The following TNFRSF13C variants were observed in gnomAD, a reference collection of about 807,000 sequenced individuals.
TNFRSF13C encodes tumor necrosis factor receptor superfamily member 13C.
A neutral mutation model predicts 12.1 loss-of-function variants in TNFRSF13C; 7 were observed. That is an observed-to-expected ratio of 0.58 (90% CI 0.33 to 1.08). The LOEUF (loss-of-function observed/expected upper bound fraction) is 1.08. TNFRSF13C is among the 50% of genes least tolerant of loss of function. The pLI is 0.04. For synonymous variants in TNFRSF13C, 157 were observed against 130.8 expected, an observed-to-expected ratio of 1.20 and a Z score of -1.37; for missense variants, 260 against 265.9, an observed-to-expected ratio of 0.98 and a Z score of 0.15.
rs1173267385 is a variant in TNFRSF13C, at chr22:41,926,440, C to CG, written c.137-110dup. 4 of 198,042 alleles carry CG rather than the reference C, an allele frequency of 2.0e-5. No homozygotes were observed. Among genetic ancestry groups the CG allele is most frequent in the South Asian group, 9.4e-5 (1 of 10,694 alleles). 12.3% of individuals were successfully genotyped at this position (198,042 alleles called of 1,614,324 possible). On this transcript the variant is annotated intron_variant, in intron 1 of 2. Coordinates refer to ENST00000291232, the MANE Select transcript of TNFRSF13C (RefSeq NM_052945.4). The surrounding 1 kb of genome is among the most constrained non-coding windows in gnomAD (Gnocchi z 4.9). Reference sequence around the variant, plus strand: ...GCTGGCCGGGGAGGGGAGGGACAGCCGGGGGGCGGTGGACAAGGGGAGGGA... The same window carrying CG: ...GCTGGCCGGGGAGGGGAGGGACAGCCGGGGGGGCGGTGGACAAGGGGAGGGA...
Position 41,926,735 on chromosome 22 carries a change from C to T in TNFRSF13C, c.39G>A (p.Ala13=), listed in dbSNP as rs1462725940. ...CCGGGACGCAGGGCGTGGGGGCTGG[C>T]GCGTCCCTGCCCCGCAGGCTCCGGG... The part of the protein sequence containing the change: ...RGPRSLRGRD[A]PAPTPCVPAE... The change falls in exon 1 of 3, where the codon GCG becomes GCA. Residue 13 remains alanine (A), a synonymous_variant. Transcript: ENST00000291232. The surrounding 1 kb of genome is among the most constrained non-coding windows in gnomAD (Gnocchi z 4.9). The T allele has an allele frequency of 7.1e-7, 1 of 1,412,658 alleles. No individual in the cohort carries two copies. Among genetic ancestry groups the T allele is most frequent in the South Asian group, 1.5e-5 (1 of 67,480 alleles). 87.5% of individuals were successfully genotyped at this position (1,412,658 alleles called of 1,614,324 possible). A position where few individuals can be genotyped will look rare whatever the true frequency, so the allele number is the denominator to read the frequency against.
Position 41,924,852 on chromosome 22 carries a change from TG to T in TNFRSF13C, c.*514del, listed in dbSNP as rs2077621211. ...CTGTAATCCCAGCTATTCGGGAGGC[TG>T]AGGCAGGAGAATCACTTGAACCAAG... is the stretch of plus-strand genomic sequence containing the variant. On this transcript the variant is annotated 3_prime_UTR_variant, in exon 3 of 3. Coordinates refer to ENST00000291232, the MANE Select transcript of TNFRSF13C (RefSeq NM_052945.4). 6.8e-6 allele frequency: 1 copy of T among 146,940 alleles called. No individual in the cohort carries two copies. The highest frequency in any genetic ancestry group is 1.5e-5 in the Non-Finnish European group (1 of 68,584). The allele number at this position is 146,940 out of a possible 1,614,324, so 9.1% of individuals were successfully genotyped here.
In TNFRSF13C at chr22:41,923,466, G is replaced by A. The variant is rs550852901; in HGVS notation, c.*1901C>T. On this transcript the variant is annotated 3_prime_UTR_variant, in exon 3 of 3. Coordinates refer to ENST00000291232, the MANE Select transcript of TNFRSF13C (RefSeq NM_052945.4). ...TCTTGTCCCCAGACCCCAGAGCAAGGAACACCATTGTAAGAGGAGGGAGCA... is the reference window on the plus strand; with the variant it reads ...TCTTGTCCCCAGACCCCAGAGCAAGAAACACCATTGTAAGAGGAGGGAGCA... The A allele has an allele frequency of 1.9e-5, 3 of 154,236 alleles. No individual in the cohort carries two copies. In the East Asian group the frequency reaches 5.8e-4, roughly 30 times the overall value. The allele number at this position is 154,236 out of a possible 1,614,324, so 9.6% of individuals were successfully genotyped here. A position where few individuals can be genotyped will look rare whatever the true frequency, so the allele number is the denominator to read the frequency against.
Position 41,926,008 on chromosome 22 carries a change from C to T in TNFRSF13C, c.367+93G>A, listed in dbSNP as rs936416616. 1.4e-4 allele frequency: 220 copies of T among 1,521,752 alleles called. 1 individual carries two copies. Among genetic ancestry groups the T allele is most frequent in the Admixed American group, 1.2e-4 (7 of 56,004 alleles). The allele number at this position is 1,521,752 out of a possible 1,614,324, so 94.3% of individuals were successfully genotyped here. On this transcript the variant is annotated intron_variant, in intron 2 of 2. Coordinates refer to ENST00000291232, the MANE Select transcript of TNFRSF13C (RefSeq NM_052945.4). This position sits in a 1 kb window ranked among gnomAD's most constrained non-coding sequence, Gnocchi z 4.9. ...CCGTTTCCCCTTAAAGCCCTTCTCT[C>T]CCCCTCAGGGGCCATGCATCTCCCC...
At position 41,926,180 on chromosome 22, in the gene TNFRSF13C, C is replaced by T. The variant is rs755167957; in HGVS notation, c.288G>A (p.Val96=). The part of the protein sequence containing the change: ...GLALVLALVL[V]GLVSWRRRQR... ...GTCGCCGCCTCCAGCTCACCAGACC[C>T]ACCAGGACCAGCGCCAGGACCAGTG... is the stretch of plus-strand genomic sequence containing the variant. The change falls in exon 2 of 3, where the codon GTG becomes GTA. Residue 96 remains valine, a synonymous_variant. Transcript: ENST00000291232. The surrounding 1 kb of genome is among the most constrained non-coding windows in gnomAD (Gnocchi z 4.9). 30 of 1,610,366 alleles carry T rather than the reference C, an allele frequency of 1.9e-5. No homozygotes were observed. In the Middle Eastern group the frequency reaches 9.9e-4, roughly 53 times the overall value.
At position 41,926,603 on chromosome 22, in the gene TNFRSF13C, C is replaced by G; in HGVS notation, c.136+35G>C. On this transcript the variant is annotated intron_variant, in intron 1 of 2. Coordinates refer to ENST00000291232, the MANE Select transcript of TNFRSF13C (RefSeq NM_052945.4). This position sits in a 1 kb window ranked among gnomAD's most constrained non-coding sequence, Gnocchi z 4.9. ...GATCGGGGCCCCGTTCTCCCCGCAG[C>G]TGCCGGCGCCGCGCGCCCCGTGGGT... is the stretch of plus-strand genomic sequence containing the variant. 2 of 1,411,368 alleles carry G rather than the reference C, an allele frequency of 1.4e-6. No individual in the cohort carries two copies. The allele number at this position is 1,411,368 out of a possible 1,614,324, so 87.4% of individuals were successfully genotyped here. A position where few individuals can be genotyped will look rare whatever the true frequency, so the allele number is the denominator to read the frequency against.
In TNFRSF13C at chr22:41,922,186, G is replaced by A. The variant is rs1354059260; in HGVS notation, c.*3181C>T. 1 of 152,166 alleles carries A rather than the reference G, an allele frequency of 6.6e-6. No individual in the cohort carries two copies. The highest frequency in any genetic ancestry group is 1.5e-5 in the Non-Finnish European group (1 of 68,036). 9.4% of individuals were successfully genotyped at this position (152,166 alleles called of 1,614,324 possible). On this transcript the variant is annotated 3_prime_UTR_variant, in exon 3 of 3. Transcript: ENST00000291232. ...CTCGAGGCCTGGGGTTACTGGACACGGGTCATTTCTTCCCTGACTACATCA... is the reference window on the plus strand; with the variant it reads ...CTCGAGGCCTGGGGTTACTGGACACAGGTCATTTCTTCCCTGACTACATCA...
chr22:41,926,501 G>T lies in TNFRSF13C; in HGVS notation c.136+137C>A. ...GGTGAGGGCCACGCGGTGATCGCGG[G>T]CCCCTCCAGGCCCTGCCCACAGGGT... On this transcript the variant is annotated intron_variant, in intron 1 of 2. Transcript: ENST00000291232. This position sits in a 1 kb window ranked among gnomAD's most constrained non-coding sequence, Gnocchi z 4.9. 8.5e-7 allele frequency: 1 copy of T among 1,179,238 alleles called. No homozygotes were observed. Among genetic ancestry groups the T allele is most frequent in the Non-Finnish European group, 1.1e-6 (1 of 911,516 alleles). 73.0% of individuals were successfully genotyped at this position (1,179,238 alleles called of 1,614,324 possible).
chr22:41,926,411 C>T lies in TNFRSF13C; in HGVS notation c.137-80G>A. The T allele has an allele frequency of 1.5e-6, 1 of 667,302 alleles. No homozygotes were observed. The highest frequency in any genetic ancestry group is 5.9e-5 in the South Asian group (1 of 17,088). The allele number at this position is 667,302 out of a possible 1,614,324, so 41.3% of individuals were successfully genotyped here. ...GGGGACGGGGAGGGGCGGAGGGGGG[C>T]GAGGCTGGCCGGGGAGGGGAGGGAC... On this transcript the variant is annotated intron_variant, in intron 1 of 2. Coordinates refer to ENST00000291232, the MANE Select transcript of TNFRSF13C (RefSeq NM_052945.4). This position sits in a 1 kb window ranked among gnomAD's most constrained non-coding sequence, Gnocchi z 4.9.
chr22:41,926,114 G>A lies in TNFRSF13C; in HGVS notation c.354C>T (p.Asp118=). 5 of 1,612,466 alleles carry A rather than the reference G, an allele frequency of 3.1e-6. No individual in the cohort carries two copies. In the South Asian group the frequency reaches 4.4e-5, roughly 14 times the overall value. ...LRGASSAEAP[D]GDKDAPEPLD... Reference sequence around the variant, plus strand: ...CACGGAACTCACCGTCCTTGTCTCCGTCGGGGGCCTCTGCGGAGGACGCGC... The same window carrying A: ...CACGGAACTCACCGTCCTTGTCTCCATCGGGGGCCTCTGCGGAGGACGCGC... The change falls in exon 2 of 3, where the codon GAC becomes GAT. Residue 118 remains aspartate, a synonymous_variant. Coordinates refer to ENST00000291232, the MANE Select transcript of TNFRSF13C (RefSeq NM_052945.4). The surrounding 1 kb of genome is among the most constrained non-coding windows in gnomAD (Gnocchi z 4.9).
At position 41,926,292 on chromosome 22, in the gene TNFRSF13C, G is replaced by T. The variant is rs899866976; in HGVS notation, c.176C>A (p.Pro59Gln). ...GGCCCCCGCGCCCACCGACTCCTGCGGCTGCAGCGCCGTCCTGGGCGCAGG... is the reference window on the plus strand; with the variant it reads ...GGCCCCCGCGCCCACCGACTCCTGCTGCTGCAGCGCCGTCCTGGGCGCAGG... The part of the protein sequence containing the change: ...SSPAPRTALQ[P>Q]QESVGAGAGE... Residue 59 changes from proline to glutamine, a missense_variant, in exon 2 of 3, where the codon CCG becomes CAG. Transcript: ENST00000291232. This position sits in a 1 kb window ranked among gnomAD's most constrained non-coding sequence, Gnocchi z 4.9. The T allele has an allele frequency of 6.7e-7, 1 of 1,483,688 alleles. No homozygotes were observed. The highest frequency in any genetic ancestry group is 1.5e-5 in the African/African-American group (1 of 68,066). 91.9% of individuals were successfully genotyped at this position (1,483,688 alleles called of 1,614,324 possible).
Position 41,926,596 on chromosome 22 carries a change from C to T in TNFRSF13C, c.136+42G>A, listed in dbSNP as rs1218431872. ...CCCTGGCGATCGGGGCCCCGTTCTC[C>T]CCGCAGCTGCCGGCGCCGCGCGCCC... On this transcript the variant is annotated intron_variant, in intron 1 of 2. Coordinates refer to ENST00000291232, the MANE Select transcript of TNFRSF13C (RefSeq NM_052945.4). The surrounding 1 kb of genome is among the most constrained non-coding windows in gnomAD (Gnocchi z 4.9). 2.1e-6 allele frequency: 3 copies of T among 1,402,110 alleles called. No individual in the cohort carries two copies. Among genetic ancestry groups the T allele is most frequent in the Non-Finnish European group, 2.8e-6 (3 of 1,082,008 alleles). The allele number at this position is 1,402,110 out of a possible 1,614,324, so 86.9% of individuals were successfully genotyped here. A position where few individuals can be genotyped will look rare whatever the true frequency, so the allele number is the denominator to read the frequency against.
Position 41,926,314 on chromosome 22 carries a change from C to G in TNFRSF13C, c.154G>C (p.Ala52Pro). Residue 52 changes from alanine to proline, a missense_variant, in exon 2 of 3, where the codon GCG (alanine) becomes CCG (proline). Coordinates refer to ENST00000291232, the MANE Select transcript of TNFRSF13C (RefSeq NM_052945.4). This position sits in a 1 kb window ranked among gnomAD's most constrained non-coding sequence, Gnocchi z 4.9. ...TGCGGCTGCAGCGCCGTCCTGGGCGCAGGGCTGCTGGCCCCGGCTGCTTCG... is the reference window on the plus strand; with the variant it reads ...TGCGGCTGCAGCGCCGTCCTGGGCGGAGGGCTGCTGGCCCCGGCTGCTTCG... ...RPKPAGASSP[A>P]PRTALQPQES... 1 of 1,442,822 alleles carries G rather than the reference C, an allele frequency of 6.9e-7. No individual in the cohort carries two copies. Among genetic ancestry groups the G allele is most frequent in the Non-Finnish European group, 9.0e-7 (1 of 1,105,738 alleles). The allele number at this position is 1,442,822 out of a possible 1,614,324, so 89.4% of individuals were successfully genotyped here.
chr22:41,926,737 C>T lies in TNFRSF13C; in HGVS notation c.37G>A (p.Ala13Thr). Reference protein sequence around the residue: ...RGPRSLRGRDAPAPTPCVPAE... With the variant: ...RGPRSLRGRDTPAPTPCVPAE... ...GGGACGCAGGGCGTGGGGGCTGGCGCGTCCCTGCCCCGCAGGCTCCGGGGC... is the reference window on the plus strand; with the variant it reads ...GGGACGCAGGGCGTGGGGGCTGGCGTGTCCCTGCCCCGCAGGCTCCGGGGC... Residue 13 changes from alanine to threonine, a missense_variant, in exon 1 of 3, where the codon GCG becomes ACG. Physicochemically the swap from Ala to Thr is moderately conservative, Grantham distance 58 (BLOSUM62 0). Transcript: ENST00000291232. This position sits in a 1 kb window ranked among gnomAD's most constrained non-coding sequence, Gnocchi z 4.9. The T allele has an allele frequency of 7.2e-7, 1 of 1,395,144 alleles. No individual in the cohort carries two copies. Among genetic ancestry groups the T allele is most frequent in the Non-Finnish European group, 9.3e-7 (1 of 1,077,812 alleles). The allele number at this position is 1,395,144 out of a possible 1,614,324, so 86.4% of individuals were successfully genotyped here.
rs1385097676 is a variant in TNFRSF13C at position 41,926,663 on chromosome 22, G to T, written c.111C>A (p.Leu37=). 6.2e-6 allele frequency: 9 copies of T among 1,463,116 alleles called. No individual in the cohort carries two copies. The highest frequency in any genetic ancestry group is 8.1e-6 in the Non-Finnish European group (9 of 1,112,736). The allele number at this position is 1,463,116 out of a possible 1,614,324, so 90.6% of individuals were successfully genotyped here. The change falls in exon 1 of 3, where the codon CTC becomes CTA. Residue 37 remains leucine, a synonymous_variant. Coordinates refer to ENST00000291232, the MANE Select transcript of TNFRSF13C (RefSeq NM_052945.4). The surrounding 1 kb of genome is among the most constrained non-coding windows in gnomAD (Gnocchi z 4.9). ...CCGGTTTCGGCCGCGGCGTGCGCAGGAGCCCGCAGGCCACGCAGTGGCGGA... is the reference window on the plus strand; with the variant it reads ...CCGGTTTCGGCCGCGGCGTGCGCAGTAGCCCGCAGGCCACGCAGTGGCGGA... ...LLVRHCVACG[L]LRTPRPKPAG... is the part of the protein sequence containing the mutation.
At position 41,926,640 on chromosome 22, in the gene TNFRSF13C, G is replaced by C. The variant is rs1028425566; in HGVS notation, c.134C>G (p.Pro45Arg). 6 of 1,459,008 alleles carry C rather than the reference G, an allele frequency of 4.1e-6. No homozygotes were observed. Among genetic ancestry groups the C allele is most frequent in the Non-Finnish European group, 5.4e-6 (6 of 1,110,680 alleles). The allele number at this position is 1,459,008 out of a possible 1,614,324, so 90.4% of individuals were successfully genotyped here. ...CGCGCCCCGTGGGTCCCCCTTACCC[G>C]GTTTCGGCCGCGGCGTGCGCAGGAG... ...CGLLRTPRPK[P>R]AGASSPAPRT... is the part of the protein sequence containing the mutation. The change falls in exon 1 of 3, where the codon CCG (proline) becomes CGG (arginine). Residue 45 changes from proline (P) to arginine (R), a missense_variant and splice_region_variant. Coordinates refer to ENST00000291232, the MANE Select transcript of TNFRSF13C (RefSeq NM_052945.4). The surrounding 1 kb of genome is among the most constrained non-coding windows in gnomAD (Gnocchi z 4.9).
rs923047355 is a variant in TNFRSF13C, at chr22:41,923,742, C to T, written c.*1625G>A. 2.6e-5 allele frequency: 4 copies of T among 152,230 alleles called. No homozygotes were observed. Among genetic ancestry groups the T allele is most frequent in the African/African-American group, 9.7e-5 (4 of 41,438 alleles). The allele number at this position is 152,230 out of a possible 1,614,324, so 9.4% of individuals were successfully genotyped here. On this transcript the variant is annotated 3_prime_UTR_variant, in exon 3 of 3. Transcript: ENST00000291232. ...GAGCAGCTGGAACCCCAGGTGGACCCTGAGAGAGCTACCTGCCAGCATGTT... is the reference window on the plus strand; with the variant it reads ...GAGCAGCTGGAACCCCAGGTGGACCTTGAGAGAGCTACCTGCCAGCATGTT...
In TNFRSF13C at chr22:41,926,315, A is replaced by G; in HGVS notation, c.153T>C (p.Pro51=). The G allele has an allele frequency of 7.2e-7, 1 of 1,380,708 alleles. No homozygotes were observed. The highest frequency in any genetic ancestry group is 1.4e-5 in the South Asian group (1 of 69,154). 85.5% of individuals were successfully genotyped at this position (1,380,708 alleles called of 1,614,324 possible). The stretch of plus-strand genomic sequence containing the variant: ...GCGGCTGCAGCGCCGTCCTGGGCGC[A>G]GGGCTGCTGGCCCCGGCTGCTTCGG... ...PRPKPAGASS[P]APRTALQPQE... Residue 51 remains proline, a synonymous_variant, in exon 2 of 3, where the codon CCT becomes CCC. Transcript: ENST00000291232. The surrounding 1 kb of genome is among the most constrained non-coding windows in gnomAD (Gnocchi z 4.9).
In TNFRSF13C at chr22:41,925,349, C is replaced by T; in HGVS notation, c.*18G>A. On this transcript the variant is annotated 3_prime_UTR_variant, in exon 3 of 3. Transcript: ENST00000291232. The stretch of plus-strand genomic sequence containing the variant: ...GGGTCCAGAGGGAGGGCAGGGGCCA[C>T]CTCCTGCCGGCTCCCTGCTATTGTT... 1 of 1,592,192 alleles carries T rather than the reference C, an allele frequency of 6.3e-7. No homozygotes were observed. Among genetic ancestry groups the T allele is most frequent in the Non-Finnish European group, 8.5e-7 (1 of 1,172,726 alleles).
Sources: allele counts gnomAD v4.1 joint callset, GRCh38; gene constraint gnomAD v4.1.1; non-coding constraint Gnocchi (gnomAD v3.1); transcripts MANE v1.5; gene names NCBI Gene and HGNC (gene_info 2026-07-23, HGNC 2026-07-21).